Variants in KIF26B observed in about 807,000 individuals in gnomAD.
The protein encoded by KIF26B is kinesin family member 26B.
Under a neutral mutation model 151.2 loss-of-function variants are expected in KIF26B, and 63 were observed. The observed-to-expected ratio is 0.42, with a 90% CI of 0.34 to 0.51. The LOEUF (loss-of-function observed/expected upper bound fraction) is 0.51. Among genes scored for constraint, KIF26B ranks in the 20% least tolerant of loss-of-function variants. KIF26B has a pLI of 0.07. For missense variants in KIF26B, 2,813 were observed against 2,913.6 expected (o/e 0.97, Z 0.79); for synonymous variants, 1,357 against 1,262.1 (o/e 1.08, Z -1.59).
chr1:245,287,979 T>TAA (rs532751948), intron 2 of KIF26B, among the ~76,000 whole-genome samples: 12 of 146,146 alleles, frequency 8.2e-5, no homozygotes, highest in African/African-American at 2.7e-4. Context: ...ATGATAGGCT[T>TAA]AAAAAAAAAA....
At position 245,601,162 on chromosome 1, in the gene KIF26B, G is replaced by A. The variant is rs760327218; in HGVS notation, c.1351-1415G>A. 5.3e-5 allele frequency among the ~76,000 whole-genome samples: 8 copies of A among 152,158 alleles called. No individual in the cohort carries two copies. The highest frequency in any genetic ancestry group is 1.3e-4 in the Admixed American group (2 of 15,282). On this transcript the variant is annotated intron_variant, in intron 5 of 14. Transcript: ENST00000407071. The surrounding 1 kb of genome is among the most constrained non-coding windows in gnomAD (Gnocchi z 4.4). The stretch of plus-strand genomic sequence containing the variant: ...ATCTAAACCCTCAGAGGTAGAGTGC[G>A]TCCCACACTCGGGCTCCTTCTACTG...
chr1:245,160,552 C>T (rs1668514517), intron 2 of KIF26B, among the ~76,000 whole-genome samples: 1 of 152,150 alleles, frequency 6.6e-6, no homozygotes, highest in African/African-American at 2.4e-5. Flanking sequence ...TACGAAACAA[C>T]AGCCCAACGA....
intron 4 of KIF26B, among the ~76,000 whole-genome samples, chr1:245,421,344 C>T (rs1258307289): frequency 1.3e-5 from 2 of 152,174 alleles, no homozygotes; most frequent in African/African-American, 4.8e-5. Flanking sequence ...CCTCAGCTAT[C>T]TCTCAGGCTA....
intron 5 of KIF26B, among the ~76,000 whole-genome samples, chr1:245,586,863 G>A (rs1380733974): frequency 6.8e-5 from 10 of 147,760 alleles, no homozygotes; most frequent in East Asian, 4.0e-4. Context: ...TCCGCAGTCC[G>A]GCCTGGGTGA....
Position 245,688,763 on chromosome 1 carries a change from G to A in KIF26B, c.5780G>A (p.Gly1927Asp), listed in dbSNP as rs1385437302. 1.3e-5 allele frequency: 21 copies of A among 1,598,888 alleles called. No homozygotes were observed. Among genetic ancestry groups the A allele is most frequent in the Non-Finnish European group, 1.7e-5 (20 of 1,170,804 alleles). ...AGCGAGAACAGCAGCTCCGTGGGCG[G>A]CAGGTGCCGGAGCCTCAAGACCCCG... The part of the protein sequence containing the change: ...STSENSSSVG[G>D]RCRSLKTPKK... Residue 1927 changes from glycine (G) to aspartate (D), a missense_variant, in exon 12 of 15, where the codon GGC (glycine) becomes GAC (aspartate). Physicochemically the swap from Gly to Asp is moderately conservative, Grantham distance 94. This residue lies in a region of KIF26B where 2,060 missense variants were observed against 2,088.6 expected (regional missense o/e 0.99). Transcript: ENST00000407071.
intron 5 of KIF26B, among the ~76,000 whole-genome samples, chr1:245,561,630 T>A (rs2042952080): frequency 6.6e-6 from 1 of 152,226 alleles, no homozygotes; most frequent in African/African-American, 2.4e-5. Flanking sequence ...TTTATGTACA[T>A]CAACTCATTT....
chr1:245,389,269 A>G (rs1019816907), intron 3 of KIF26B, among the ~76,000 whole-genome samples: 7 of 152,100 alleles, frequency 4.6e-5, no homozygotes, highest in Admixed American at 1.3e-4. Context: ...ATGCACCATC[A>G]TGCCCGGCTA....
At chr1:245,476,336 C>T (rs1420673415) in intron 4 of KIF26B, among the ~76,000 whole-genome samples, 1 of 151,672 alleles carries the variant, frequency 6.6e-6, no homozygotes, top group African/African-American at 2.4e-5. Context: ...TCATTACATG[C>T]ATAGTGATTG....
intron 5 of KIF26B, among the ~76,000 whole-genome samples, chr1:245,553,105 G>A (rs1182788714): frequency 1.3e-5 from 2 of 152,196 alleles, no homozygotes; most frequent in Non-Finnish European, 2.9e-5. Context: ...CAACATATGA[G>A]CCATTCATCT....
At chr1:245,168,840 T>TCAAC (rs1373078818) in intron 2 of KIF26B, among the ~76,000 whole-genome samples, 1 of 152,188 alleles carries the variant, frequency 6.6e-6, no homozygotes. Context: ...ATGGAACAGG[T>TCAAC]AGCTGCCCGC....
intron 2 of KIF26B, among the ~76,000 whole-genome samples, chr1:245,258,221 T>G (rs1035778343): frequency 6.6e-6 from 1 of 152,200 alleles, no homozygotes; most frequent in Non-Finnish European, 1.5e-5. Context: ...TCGCTGTACA[T>G]GAAGCCCCAG....
At chr1:245,269,278 C>CCCCTCTCCCCCTCCTCCTCCCACCCAAT (rs1670806913) in intron 2 of KIF26B, among the ~76,000 whole-genome samples, 1 of 125,792 alleles carries the variant, frequency 7.9e-6, no homozygotes, top group African/African-American at 3.1e-5. Context: ...TCCCACCCAA[C>CCCCTCTCCCCCTCCTCCTCCCACCCAAT]GGCCCCTCTC....
chr1:245,698,993 C>CCAAA lies in KIF26B; in HGVS notation c.6137_6140dup (p.Tyr2048ThrfsTer13). 1 of 1,614,020 alleles carries CCAAA rather than the reference C, an allele frequency of 6.2e-7. No individual in the cohort carries two copies. On this transcript the variant is annotated frameshift_variant, in exon 14 of 15. Coordinates refer to ENST00000407071, the MANE Select transcript of KIF26B (RefSeq NM_018012.4). LOFTEE classifies it high-confidence loss of function. The surrounding 1 kb of genome is among the most constrained non-coding windows in gnomAD (Gnocchi z 4.0). The stretch of plus-strand genomic sequence containing the variant: ...TGGCTGATGAAGGAGCTGGAGGCGA[C>CCAAA]CAAACAGTATCTGATGCTGGATCCC...
chr1:245,550,605 C>G (rs960858805), intron 5 of KIF26B, among the ~76,000 whole-genome samples: 8 of 152,240 alleles, frequency 5.3e-5, no homozygotes, highest in Non-Finnish European at 1.5e-5. Context: ...GGGCAAAAGG[C>G]AGAGGACTGA....
At chr1:245,580,378 T>C (rs542856188) in intron 5 of KIF26B, among the ~76,000 whole-genome samples, 1 of 152,210 alleles carries the variant, frequency 6.6e-6, no homozygotes, top group East Asian at 1.9e-4. Flanking sequence ...TCCGTTGGGG[T>C]CTGACAGGAG....
At chr1:245,206,387 T>C (rs1669407001) in intron 2 of KIF26B, 1 of 152,256 alleles carries the variant, frequency 6.6e-6, no homozygotes, top group African/African-American at 2.4e-5. Context: ...GGATTAAGCA[T>C]TTCATGTGAT....
chr1:245,630,800 CTT>C (rs1225173832), intron 9 of KIF26B, among the ~76,000 whole-genome samples: 1 of 151,928 alleles, frequency 6.6e-6, no homozygotes, highest in African/African-American at 2.4e-5. Context: ...CATGGGATGT[CTT>C]TTCATTTTTT....
At chr1:245,196,159 C>T (rs1669190880) in intron 2 of KIF26B, among the ~76,000 whole-genome samples, 1 of 152,118 alleles carries the variant, frequency 6.6e-6, no homozygotes, top group Non-Finnish European at 1.5e-5. Context: ...TAGGAAGACC[C>T]CGTTTAACAA....
At chr1:245,451,068 T>C (rs959385711) in intron 4 of KIF26B, among the ~76,000 whole-genome samples, 5 of 152,138 alleles carry the variant, frequency 3.3e-5, no homozygotes, top group Admixed American at 3.3e-4. Context: ...ACATTTTGAC[T>C]TATTTTTTAT....
Sources: allele counts gnomAD v4.1 joint callset (sites outside exome capture counted in the v4.1 genomes callset), GRCh38; gene constraint gnomAD v4.1.1; regional missense constraint gnomAD v4.1.1; non-coding constraint Gnocchi (gnomAD v3.1); transcripts MANE v1.5; gene names NCBI Gene and HGNC (gene_info 2026-07-23, HGNC 2026-07-21).